The following PCBP3 variants were observed in gnomAD, a reference collection of about 807,000 sequenced individuals.
PCBP3 encodes the protein poly(rC) binding protein 3.
Under a neutral mutation model 52.7 loss-of-function variants are expected in PCBP3, and 25 were observed. The observed-to-expected ratio is 0.47, with a 90% CI of 0.35 to 0.66. The LOEUF is 0.66. PCBP3 is among the 30% of genes least tolerant of loss of function. PCBP3 has a pLI of 0.01. For synonymous variants in PCBP3, 162 were observed against 183.0 expected, an observed-to-expected ratio of 0.89 and a Z score of 0.93; for missense variants, 391 against 490.3, an observed-to-expected ratio of 0.80 and a Z score of 1.91.
At chr21:45,935,379 C>A (rs1170385682) in intron 16 of PCBP3, 74 bp downstream of exon 16, 9 of 1,128,098 alleles carry the variant, frequency 8.0e-6, no homozygotes, top group Non-Finnish European at 1.2e-5. Flanking sequence ...CTCTGCTGTC[C>A]TTTGGGCAGA....
At chr21:45,648,821 C>T (rs2079495809) in intron 1 of PCBP3, among the ~76,000 whole-genome samples, 1 of 152,148 alleles carries the variant, frequency 6.6e-6, no homozygotes, top group South Asian at 2.1e-4. Context: ...TGTTTGTCCA[C>T]TTATTGTCTG....
chr21:45,897,741 ATGCATGG>A (rs1169282001), intron 6 of PCBP3, among the ~76,000 whole-genome samples: 1 of 152,240 alleles, frequency 6.6e-6, no homozygotes, highest in East Asian at 1.9e-4. Context: ...GGAAGCCAGG[ATGCATGG>A]TGCTCCTGGG....
At chr21:45,939,904 C>A in intron 16 of PCBP3, 126 bp from the exon 17 acceptor site, 1 of 821,566 alleles carries the variant, frequency 1.2e-6, no homozygotes, top group Non-Finnish European at 1.9e-6. Flanking sequence ...GGGTGTTGAG[C>A]TCAGGTCTTG....
At chr21:45,714,141 C>T (rs1030616864) in intron 2 of PCBP3, among the ~76,000 whole-genome samples, 2 of 152,200 alleles carry the variant, frequency 1.3e-5, no homozygotes, top group African/African-American at 4.8e-5. Flanking sequence ...GCCTCCATTT[C>T]CCTCACTCCT....
chr21:45,691,428 T>A (rs2082464387), intron 2 of PCBP3, among the ~76,000 whole-genome samples: 1 of 128,422 alleles, frequency 7.8e-6, no homozygotes, highest in Non-Finnish European at 1.6e-5. Flanking sequence ...ATATATAAAA[T>A]ATATATATCA....
intron 4 of PCBP3, chr21:45,762,739 C>T (rs1292023538): frequency 1.3e-5 from 2 of 152,300 alleles, no homozygotes; most frequent in South Asian, 4.2e-4. Flanking sequence ...CTGCCCCAGC[C>T]TCCCAAACTG....
intron 4 of PCBP3, among the ~76,000 whole-genome samples, chr21:45,792,384 G>A (rs1337362622): frequency 6.6e-6 from 1 of 152,184 alleles, no homozygotes; most frequent in Non-Finnish European, 1.5e-5. Context: ...CAGAGAAGGT[G>A]GGGGCCCTCC....
At chr21:45,930,867 A>G in intron 15 of PCBP3, 22 bp downstream of exon 15, 1 of 1,612,696 alleles carries the variant, frequency 6.2e-7, no homozygotes, top group Non-Finnish European at 8.5e-7. Context: ...CCACACTGAC[A>G]GGAGAACAGG....
chr21:45,826,258 CAA>C (rs10679763), intron 4 of PCBP3, among the ~76,000 whole-genome samples: 3 of 129,930 alleles, frequency 2.3e-5, no homozygotes, highest in Non-Finnish European at 3.3e-5. Context: ...AACTCTGTCT[CAA>C]AAAAAAAAAA....
intron 13 of PCBP3, 75 bp from the exon 14 acceptor site, chr21:45,929,842 A>T: frequency 1.9e-6 from 2 of 1,074,560 alleles, no homozygotes; most frequent in Non-Finnish European, 2.9e-6. Flanking sequence ...AAGTTCTGTT[A>T]CTGCCGTTTT....
rs117330243 is a variant in PCBP3 at position 45,724,889 on chromosome 21, T to C, written c.-199-10503T>C. Among the ~76,000 whole-genome samples, 1,722 of 152,250 alleles carry C rather than the reference T, an allele frequency of 0.011. 21 individuals carry two copies. The highest frequency in any genetic ancestry group is 0.043 in the South Asian group (207 of 4,826). On this transcript the variant is annotated intron_variant, in intron 2 of 17. Coordinates refer to ENST00000681687, the MANE Select transcript of PCBP3 (RefSeq NM_001384156.1). This position sits in a 1 kb window ranked among gnomAD's most constrained non-coding sequence, Gnocchi z 5.3. Reference sequence around the variant, plus strand: ...CACTGACTCTCAGGAGATGCTGTCATTGGGATACTACAGTATTCCATGAAC... The same window carrying C: ...CACTGACTCTCAGGAGATGCTGTCACTGGGATACTACAGTATTCCATGAAC...
intron 4 of PCBP3, among the ~76,000 whole-genome samples, chr21:45,846,211 T>G (rs758062448): frequency 1.3e-5 from 2 of 152,228 alleles, no homozygotes; most frequent in African/African-American, 2.4e-5. Context: ...GTTAGGGAGA[T>G]ATCTAGAACT....
rs372326227 is a variant in PCBP3 at position 45,861,160 on chromosome 21, C to T, written c.10+11065C>T. On this transcript the variant is annotated intron_variant, in intron 5 of 17. Coordinates refer to ENST00000681687, the MANE Select transcript of PCBP3 (RefSeq NM_001384156.1). ...TGCAGCCGCCTCCATGCCTTCTCAC[C>T]TCTGCCAGCACCCCCTCTCAGCTGC... Among the ~76,000 whole-genome samples the T allele has an allele frequency of 3.3e-3, 499 of 152,330 alleles. 3 individuals carry two copies. Among genetic ancestry groups the T allele is most frequent in the African/African-American group, 0.012 (479 of 41,582 alleles).
chr21:45,852,086 G>A (rs558349352), intron 5 of PCBP3, among the ~76,000 whole-genome samples: 2 of 152,288 alleles, frequency 1.3e-5, no homozygotes, highest in South Asian at 4.1e-4. Flanking sequence ...CCAGATAGCT[G>A]GAAGACAGGA....
chr21:45,826,743 G>A (rs73380620), intron 4 of PCBP3, among the ~76,000 whole-genome samples: 3,766 of 152,226 alleles, frequency 0.025, 178 homozygotes, highest in African/African-American at 0.085. Context: ...TCAGAAAACT[G>A]GAAACGCCAG....
chr21:45,886,268 T>C (rs1161040178), intron 5 of PCBP3, among the ~76,000 whole-genome samples: 1 of 53,444 alleles, frequency 1.9e-5, no homozygotes, highest in Non-Finnish European at 3.5e-5. Flanking sequence ...GGAGGCCTCA[T>C]TGCCGCGGGT....
rs1165189470 is a variant in PCBP3, at chr21:45,735,928, G to T, written c.-162+499G>T. On this transcript the variant is annotated intron_variant, in intron 3 of 17. Coordinates refer to ENST00000681687, the MANE Select transcript of PCBP3 (RefSeq NM_001384156.1). This position sits in a 1 kb window ranked among gnomAD's most constrained non-coding sequence, Gnocchi z 4.0. ...CATCTGTGGAAAGGACCTGGCACCGGCCAGCACACAGAGGCACTCACCTGT... is the reference window on the plus strand; with the variant it reads ...CATCTGTGGAAAGGACCTGGCACCGTCCAGCACACAGAGGCACTCACCTGT... Among the ~76,000 whole-genome samples the T allele has an allele frequency of 6.6e-6, 1 of 152,222 alleles. No individual in the cohort carries two copies. The highest frequency in any genetic ancestry group is 1.5e-5 in the Non-Finnish European group (1 of 68,040).
At chr21:45,866,772 C>CCCCCT (rs1210860126) in intron 5 of PCBP3, among the ~76,000 whole-genome samples, 5 of 152,128 alleles carry the variant, frequency 3.3e-5, no homozygotes, top group African/African-American at 1.2e-4. Flanking sequence ...GGCTCCAGCA[C>CCCCCT]CCCCTCCCCT....
chr21:45,884,489 A>G (rs1199361399), intron 5 of PCBP3, among the ~76,000 whole-genome samples: 3 of 152,224 alleles, frequency 2.0e-5, no homozygotes, highest in African/African-American at 4.8e-5. Context: ...ATACACATGT[A>G]TACATACACA....
Sources: gnomAD v4.1 joint callset for allele counts (sites outside exome capture counted in the v4.1 genomes callset) on GRCh38, gnomAD v4.1.1 for gene constraint, Gnocchi (gnomAD v3.1) non-coding constraint, MANE v1.5 for transcripts, NCBI Gene and HGNC (gene_info 2026-07-23, HGNC 2026-07-21) for gene names.